The following KHDRBS2 variants were observed in gnomAD, a reference collection of about 807,000 sequenced individuals.
KHDRBS2 encodes KH domain-containing, RNA-binding, signal transduction-associated protein 2.
In KHDRBS2, 26 loss-of-function variants were observed where a neutral mutation model predicts 44.3. The observed-to-expected ratio is 0.59, with a 90% CI of 0.43 to 0.81. KHDRBS2 has a LOEUF of 0.81. Ranked by LOEUF, KHDRBS2 falls within the 40% of genes least tolerant of loss-of-function variation. The pLI, the probability that KHDRBS2 is intolerant of heterozygous loss-of-function variation, is 0.00. For missense variants in KHDRBS2, 476 were observed against 433.1 expected (o/e 1.10, Z -0.88); for synonymous variants, 194 against 151.1 (o/e 1.28, Z -2.08).
chr6:61,898,672 T>C (rs1197409718), intron 5 of KHDRBS2, among the ~76,000 whole-genome samples: 2 of 151,994 alleles, frequency 1.3e-5, no homozygotes, highest in Non-Finnish European at 2.9e-5. Flanking sequence ...GAACTAGGAT[T>C]TAGAACCCAG....
intron 2 of KHDRBS2, among the ~76,000 whole-genome samples, chr6:62,106,331 C>G (rs1803292064): frequency 1.3e-5 from 2 of 152,114 alleles, no homozygotes; most frequent in Middle Eastern, 3.4e-3. Context: ...TCCAGGGGAT[C>G]CTTGTTAACT....
At chr6:61,669,834 A>G in the KHDRBS2 span, among the ~76,000 whole-genome samples, 2 of 151,134 alleles carry the variant, frequency 1.3e-5, no homozygotes, top group Non-Finnish European at 3.0e-5. Context: ...TCCATAGTAC[A>G]TGATACAACT....
At chr6:62,124,112 A>G (rs1808380722) in intron 2 of KHDRBS2, among the ~76,000 whole-genome samples, 2 of 152,184 alleles carry the variant, frequency 1.3e-5, no homozygotes. Context: ...ACTGCTTTGT[A>G]AAGACATGGG....
chr6:61,780,331 C>A (rs1456909053), intron 6 of KHDRBS2, among the ~76,000 whole-genome samples: 2 of 152,080 alleles, frequency 1.3e-5, no homozygotes, highest in Non-Finnish European at 2.9e-5. Context: ...GAAACCCCAT[C>A]TCTACTAAAA....
intron 8 of KHDRBS2, among the ~76,000 whole-genome samples, chr6:61,687,217 A>G (rs1215533122): frequency 2.0e-5 from 3 of 151,836 alleles, no homozygotes; most frequent in African/African-American, 7.2e-5. Context: ...AGGGTTGCTA[A>G]CTTTGAGTTC....
At chr6:62,285,758 G>T in intron 1 of KHDRBS2, 100 bp downstream of exon 1, 1 of 741,062 alleles carries the variant, frequency 1.3e-6, no homozygotes, top group Non-Finnish European at 2.3e-6. Flanking sequence ...TTTCTGCGAA[G>T]GCGGGGAGAG....
In KHDRBS2 at chr6:62,193,356, C is replaced by G. The variant is rs73760319; in HGVS notation, c.92-16044G>C. 5.2e-3 allele frequency among the ~76,000 whole-genome samples: 797 copies of G among 152,100 alleles called. 5 individuals are homozygous for G. The highest frequency in any genetic ancestry group is 0.018 in the African/African-American group (754 of 41,546). Reference sequence around the variant, plus strand: ...CAGTAAATGTAGGATAAAACAGCCACAATTTTTGAAGTCAGACTAATCAAA... The same window carrying G: ...CAGTAAATGTAGGATAAAACAGCCAGAATTTTTGAAGTCAGACTAATCAAA... On this transcript the variant is annotated intron_variant, in intron 1 of 8. Transcript: ENST00000281156.
chr6:62,163,504 C>T (rs1363522915), intron 2 of KHDRBS2, among the ~76,000 whole-genome samples: 2 of 151,932 alleles, frequency 1.3e-5, no homozygotes. Context: ...GAACATTTAG[C>T]CGTATGACCT....
chr6:62,167,896 T>C (rs1175057967), intron 2 of KHDRBS2, among the ~76,000 whole-genome samples: 2 of 152,178 alleles, frequency 1.3e-5, no homozygotes, highest in Non-Finnish European at 2.9e-5. Context: ...TTAAATGATC[T>C]GATAACTACT....
the KHDRBS2 span, among the ~76,000 whole-genome samples, chr6:61,630,904 A>AG: frequency 6.6e-6 from 1 of 152,116 alleles, no homozygotes; most frequent in Non-Finnish European, 1.5e-5. Flanking sequence ...GTCTCTTTGT[A>AG]TTCTGTGGTT....
the KHDRBS2 span, among the ~76,000 whole-genome samples, chr6:61,674,562 A>C: frequency 6.6e-6 from 1 of 151,808 alleles, no homozygotes; most frequent in Non-Finnish European, 1.5e-5. Flanking sequence ...CTTGTCCAGC[A>C]TATATGCTCA....
intron 7 of KHDRBS2, among the ~76,000 whole-genome samples, chr6:61,704,579 T>C (rs1222838345): frequency 6.6e-6 from 1 of 151,738 alleles, no homozygotes; most frequent in Non-Finnish European, 1.5e-5. Flanking sequence ...GGACCAAATC[T>C]TGAAGGACCT....
intron 3 of KHDRBS2, among the ~76,000 whole-genome samples, chr6:62,045,544 T>A (rs1787489125): frequency 1.3e-5 from 2 of 152,114 alleles, no homozygotes; most frequent in Admixed American, 1.3e-4. Context: ...ATTTATTATC[T>A]GTCTTTCCCA....
intron 2 of KHDRBS2, among the ~76,000 whole-genome samples, chr6:62,069,981 G>T (rs1398859760): frequency 6.6e-6 from 1 of 151,456 alleles, no homozygotes; most frequent in Non-Finnish European, 1.5e-5. Flanking sequence ...CTATTCCTAG[G>T]ATTTTTAGTT....
At chr6:61,925,725 CAAAA>C (rs563177938) in intron 4 of KHDRBS2, among the ~76,000 whole-genome samples, 1,481 of 89,224 alleles carry the variant, frequency 0.017, 26 homozygotes, top group African/African-American at 0.058. Flanking sequence ...CTCTCTCTCT[CAAAA>C]AAAAAAAAAA....
At chr6:62,108,500 G>T (rs944879009) in intron 2 of KHDRBS2, among the ~76,000 whole-genome samples, 1 of 152,146 alleles carries the variant, frequency 6.6e-6, no homozygotes, top group African/African-American at 2.4e-5. Flanking sequence ...CTGTTGGTGG[G>T]ACTGTAAACT....
the KHDRBS2 span, among the ~76,000 whole-genome samples, chr6:61,595,899 A>C: frequency 6.6e-6 from 1 of 152,026 alleles, no homozygotes; most frequent in African/African-American, 2.4e-5. Flanking sequence ...TACTGAAAAT[A>C]ATTTTGAAAC....
At chr6:61,551,890 A>G in the KHDRBS2 span, among the ~76,000 whole-genome samples, 1 of 152,058 alleles carries the variant, frequency 6.6e-6, no homozygotes. Flanking sequence ...TTTTTTCCTA[A>G]TTCTATAAAG....
In KHDRBS2 at chr6:61,730,781, A is replaced by G. The variant is rs201131460; in HGVS notation, c.893+1901T>C. On this transcript the variant is annotated intron_variant, in intron 7 of 8. Transcript: ENST00000281156. ...TTACATATAAATTATACTTTATTAAAGCAAGTTTTATTCTAAAATTATTGT... is the reference window on the plus strand; with the variant it reads ...TTACATATAAATTATACTTTATTAAGGCAAGTTTTATTCTAAAATTATTGT... 2.5e-4 allele frequency among the ~76,000 whole-genome samples: 38 copies of G among 152,134 alleles called. No individual in the cohort carries two copies. The East Asian group carries it at 6.9e-3, about 28-fold the overall frequency.
Sources: gnomAD v4.1 joint callset for allele counts (sites outside exome capture counted in the v4.1 genomes callset) on GRCh38, gnomAD v4.1.1 for gene constraint, MANE v1.5 for transcripts, NCBI Gene and HGNC (gene_info 2026-07-23, HGNC 2026-07-21) for gene names.